Variants in PRKCD observed in about 807,000 individuals in gnomAD.
PRKCD encodes the protein protein kinase C delta.
PRKCD carries 20 observed loss-of-function variants against 82.2 expected under a neutral mutation model. That is an observed-to-expected ratio of 0.24 (90% CI 0.17 to 0.35). The LOEUF is 0.35. PRKCD is among the 10% of genes least tolerant of loss of function. PRKCD has a pLI of 1.00. For missense variants in PRKCD, 607 were observed against 899.0 expected (o/e 0.68, Z 4.15); for synonymous variants, 317 against 337.0 (o/e 0.94, Z 0.65).
rs202080219 is a variant in PRKCD at position 53,187,421 on chromosome 3, C to T, written c.1415+19C>T. ...TTTACAGGTGCGGGGGTGAGGGCAGCGGGGGCTCTTGGGAGGGGAGGCTCC... is the reference window on the plus strand; with the variant it reads ...TTTACAGGTGCGGGGGTGAGGGCAGTGGGGGCTCTTGGGAGGGGAGGCTCC... On this transcript the variant is annotated intron_variant, in intron 15 of 18. Transcript: ENST00000330452. 1,372 of 1,612,490 alleles carry T rather than the reference C, an allele frequency of 8.5e-4. 5 individuals carry two copies. Among genetic ancestry groups the T allele is most frequent in the Non-Finnish European group, 8.6e-4 (1,014 of 1,178,770 alleles).
intron 8 of PRKCD, 77 bp downstream of exon 8, chr3:53,183,283 C>T: frequency 6.4e-7 from 1 of 1,560,068 alleles, no homozygotes; most frequent in Non-Finnish European, 8.8e-7. Flanking sequence ...CTCTCCCCAC[C>T]CTCCCTGGGG....
chr3:53,168,825 C>T (rs1702918636), intron 2 of PRKCD, among the ~76,000 whole-genome samples: 3 of 18,676 alleles, frequency 1.6e-4, no homozygotes, highest in African/African-American at 4.1e-4. Context: ...AGGGAGGTAA[C>T]GGTGATGGGG....
intron 1 of PRKCD, among the ~76,000 whole-genome samples, chr3:53,163,310 C>T (rs374662163): frequency 6.7e-6 from 1 of 150,356 alleles, no homozygotes; most frequent in Non-Finnish European, 1.5e-5. Context: ...TGGGTGTTAG[C>T]GGCAGGAGGG....
intron 9 of PRKCD, 148 bp downstream of exon 9, chr3:53,183,729 C>A: frequency 8.3e-7 from 1 of 1,202,954 alleles, no homozygotes; most frequent in Non-Finnish European, 1.1e-6. Flanking sequence ...CTTGGTGGAC[C>A]CTCCCCACTG....
At chr3:53,187,236 A>T in intron 14 of PRKCD, 104 bp from the exon 15 acceptor site, 1 of 1,259,734 alleles carries the variant, frequency 7.9e-7, no homozygotes, top group South Asian at 1.2e-5. Context: ...CCATGGAGTT[A>T]TTTGCAGCAT....
At position 53,185,464 on chromosome 3, in the gene PRKCD, C is replaced by T; in HGVS notation, c.889-140C>T. On this transcript the variant is annotated intron_variant, in intron 10 of 18. Coordinates refer to ENST00000330452, the MANE Select transcript of PRKCD (RefSeq NM_006254.4). The stretch of plus-strand genomic sequence containing the variant: ...AAGAGTGCGTGTGTGTACACGCAGC[C>T]CGAGTAGGGGGCCTGGGCTGTGCCC... The T allele has an allele frequency of 4.3e-6, 3 of 705,650 alleles. No homozygotes were observed. The South Asian group carries it at 5.2e-5, about 12-fold the overall frequency. The allele number at this position is 705,650 out of a possible 1,614,324, so 43.7% of individuals were successfully genotyped here.
intron 9 of PRKCD, among the ~76,000 whole-genome samples, chr3:53,184,082 C>T (rs1703574061): frequency 6.6e-6 from 1 of 152,174 alleles, no homozygotes. Flanking sequence ...TCTGTAATCC[C>T]AGCACTTTGG....
At chr3:53,178,357 C>A in intron 2 of PRKCD, 47 bp from the exon 3 acceptor site, 1 of 1,340,160 alleles carries the variant, frequency 7.5e-7, no homozygotes, top group South Asian at 1.3e-5. Context: ...GTGACTGTTC[C>A]CGCTGGTCCC....
chr3:53,186,289 T>G lies in PRKCD; in HGVS notation c.1209T>G (p.Leu403=). The G allele has an allele frequency of 6.2e-7, 1 of 1,614,152 alleles. No homozygotes were observed. Among genetic ancestry groups the G allele is most frequent in the South Asian group, 1.1e-5 (1 of 91,084 alleles). Residue 403 remains leucine (L), a synonymous_variant, in exon 13 of 19, where the codon CTT becomes CTG. Coordinates refer to ENST00000330452, the MANE Select transcript of PRKCD (RefSeq NM_006254.4). ...CTMVEKRVLT[L]AAENPFLTHL... ...TGGTTGAGAAGCGGGTGCTGACACT[T>G]GCCGCAGAGAATCCCTTTCTCACCC...
chr3:53,163,359 G>A (rs1702737647), intron 1 of PRKCD, among the ~76,000 whole-genome samples: 1 of 151,634 alleles, frequency 6.6e-6, no homozygotes, highest in African/African-American at 2.4e-5. Context: ...TGGGAGGGAA[G>A]GTGAGAGCCC....
chr3:53,164,585 TAA>T (rs76327629), intron 1 of PRKCD, among the ~76,000 whole-genome samples: 15 of 141,476 alleles, frequency 1.1e-4, no homozygotes, highest in Middle Eastern at 3.7e-3. Flanking sequence ...CCTGCCACAT[TAA>T]AAAAAAAAAA....
chr3:53,178,218 G>A (rs1007598793), intron 2 of PRKCD, among the ~76,000 whole-genome samples, 186 bp from the exon 3 acceptor site: 1 of 152,170 alleles, frequency 6.6e-6, no homozygotes, highest in African/African-American at 2.4e-5. Flanking sequence ...GATTACAGGC[G>A]TCAGCCACTG....
Position 53,187,411 on chromosome 3 carries a change from G to C in PRKCD, c.1415+9G>C. 1 of 1,613,784 alleles carries C rather than the reference G, an allele frequency of 6.2e-7. No homozygotes were observed. The highest frequency in any genetic ancestry group is 8.5e-7 in the Non-Finnish European group (1 of 1,179,714). Reference sequence around the variant, plus strand: ...AAGGGCATCATTTACAGGTGCGGGGGTGAGGGCAGCGGGGGCTCTTGGGAG... The same window carrying C: ...AAGGGCATCATTTACAGGTGCGGGGCTGAGGGCAGCGGGGGCTCTTGGGAG... On this transcript the variant is annotated intron_variant, in intron 15 of 18. Transcript: ENST00000330452.
At chr3:53,170,559 A>G (rs1252247276) in intron 2 of PRKCD, among the ~76,000 whole-genome samples, 1 of 152,234 alleles carries the variant, frequency 6.6e-6, no homozygotes, top group Non-Finnish European at 1.5e-5. Context: ...GTGCCTGACC[A>G]GCCCACTCCT....
At chr3:53,184,826 C>A in intron 9 of PRKCD, 48 bp from the exon 10 acceptor site, 1 of 1,555,490 alleles carries the variant, frequency 6.4e-7, no homozygotes, top group Non-Finnish European at 8.9e-7. Context: ...TGCCCCCTGC[C>A]CTTGGCTGAG....
At chr3:53,176,863 C>G (rs1553666012) in intron 2 of PRKCD, among the ~76,000 whole-genome samples, 5 of 152,192 alleles carry the variant, frequency 3.3e-5, no homozygotes. Context: ...GAGTCTCGCT[C>G]TGTTGCCCAG....
At position 53,169,380 on chromosome 3, in the gene PRKCD, T is replaced by C. The variant is rs1702943249; in HGVS notation, c.-20+4165T>C. Among the ~76,000 whole-genome samples, 1 of 151,770 alleles carries C rather than the reference T, an allele frequency of 6.6e-6. No homozygotes were observed. The highest frequency in any genetic ancestry group is 1.5e-5 in the Non-Finnish European group (1 of 67,930). ...GGCCTTCTAAGGGGTGGGGGAGCAT[T>C]TGAGAGGCCCACGAACAGGACTGGG... On this transcript the variant is annotated intron_variant, in intron 2 of 18. Transcript: ENST00000330452. The surrounding 1 kb of genome is among the most constrained non-coding windows in gnomAD (Gnocchi z 4.7).
intron 7 of PRKCD, among the ~76,000 whole-genome samples, chr3:53,182,459 G>A (rs1703482715): frequency 6.6e-6 from 1 of 152,020 alleles, no homozygotes; most frequent in Non-Finnish European, 1.5e-5. Context: ...AGTAGAATAG[G>A]GGCTTTGTCA....
At chr3:53,182,701 T>C (rs1316915650) in intron 7 of PRKCD, among the ~76,000 whole-genome samples, 1 of 152,236 alleles carries the variant, frequency 6.6e-6, no homozygotes, top group Non-Finnish European at 1.5e-5. Flanking sequence ...CTGTTATCAT[T>C]ATTACACATG....
Sources: allele counts gnomAD v4.1 joint callset (sites outside exome capture counted in the v4.1 genomes callset), GRCh38; gene constraint gnomAD v4.1.1; non-coding constraint Gnocchi (gnomAD v3.1); transcripts MANE v1.5; gene names NCBI Gene and HGNC (gene_info 2026-07-23, HGNC 2026-07-21).